MCU: variants seen among roughly 807,000 people sequenced by gnomAD.
The protein encoded by MCU is calcium uniporter protein, mitochondrial.
MCU carries 12 observed loss-of-function variants against 45.2 expected under a neutral mutation model. The observed-to-expected ratio is 0.27, with a 90% CI of 0.17 to 0.43. MCU has a LOEUF of 0.43. Ranked by LOEUF, MCU falls within the 20% of genes least tolerant of loss-of-function variation. The pLI, the probability that MCU is intolerant of heterozygous loss-of-function variation, is 1.00. For missense variants in MCU, 324 were observed against 436.7 expected, an observed-to-expected ratio of 0.74 and a Z score of 2.30; for synonymous variants, 160 against 165.1, an observed-to-expected ratio of 0.97 and a Z score of 0.24.
intron 1 of MCU, among the ~76,000 whole-genome samples, chr10:72,818,704 G>C (rs1215085321): frequency 1.3e-5 from 2 of 152,076 alleles, no homozygotes; most frequent in Non-Finnish European, 2.9e-5. Context: ...AGCCGGGCGT[G>C]GTGGTGCATA....
intron 2 of MCU, among the ~76,000 whole-genome samples, chr10:72,848,379 T>C (rs1397034548): frequency 6.6e-6 from 1 of 152,142 alleles, no homozygotes; most frequent in African/African-American, 2.4e-5. Flanking sequence ...CATTGTAACA[T>C]GTCAGAAGGC....
At chr10:72,849,946 T>C (rs1845182458) in intron 2 of MCU, among the ~76,000 whole-genome samples, 1 of 151,044 alleles carries the variant, frequency 6.6e-6, no homozygotes, top group Non-Finnish European at 1.5e-5. Flanking sequence ...AGAATTTTGC[T>C]CTTGTTGCCC....
chr10:72,805,281 C>A (rs1230647643), intron 1 of MCU, among the ~76,000 whole-genome samples: 1 of 146,946 alleles, frequency 6.8e-6, no homozygotes, highest in Non-Finnish European at 1.5e-5. Flanking sequence ...CAGGGTCTCG[C>A]TCTGTTGCCC....
chr10:72,839,004 T>C (rs1845004056), intron 2 of MCU, among the ~76,000 whole-genome samples: 2 of 152,038 alleles, frequency 1.3e-5, no homozygotes, highest in Admixed American at 6.5e-5. Context: ...TTTTTTTTTT[T>C]TTTGAGACGG....
chr10:72,698,283 C>A (rs1323189703), intron 1 of MCU, among the ~76,000 whole-genome samples: 1 of 152,256 alleles, frequency 6.6e-6, no homozygotes, highest in East Asian at 1.9e-4. Context: ...GGTAGGAAAT[C>A]ATTCAGATGA....
At chr10:72,751,435 AC>A (rs958248953) in intron 1 of MCU, among the ~76,000 whole-genome samples, 1 of 134,838 alleles carries the variant, frequency 7.4e-6, no homozygotes, top group African/African-American at 2.9e-5. Flanking sequence ...ACTCACTGCA[AC>A]CTCTGCCTCC....
At chr10:72,840,721 C>T (rs1667784591) in intron 2 of MCU, among the ~76,000 whole-genome samples, 1 of 152,210 alleles carries the variant, frequency 6.6e-6, no homozygotes, top group African/African-American at 2.4e-5. Context: ...GCAGAGTTCT[C>T]ACCAACTTAA....
intron 3 of MCU, 80 bp downstream of exon 3, chr10:72,859,427 C>A: frequency 1.5e-6 from 2 of 1,315,562 alleles, no homozygotes; most frequent in Non-Finnish European, 2.1e-6. Context: ...ATACACCACA[C>A]ACGTAGCTAC....
intron 1 of MCU, among the ~76,000 whole-genome samples, chr10:72,819,520 T>C (rs1024751183): frequency 6.6e-6 from 1 of 152,210 alleles, no homozygotes; most frequent in African/African-American, 2.4e-5. Flanking sequence ...GTTTTTACAT[T>C]CAAGGAGCTT....
intron 1 of MCU, among the ~76,000 whole-genome samples, chr10:72,799,563 C>G (rs1844306431): frequency 6.6e-6 from 1 of 151,570 alleles, no homozygotes; most frequent in Non-Finnish European, 1.5e-5. Context: ...TTCAACTGAT[C>G]CTCCCTCCTC....
intron 1 of MCU, among the ~76,000 whole-genome samples, chr10:72,724,109 A>G (rs983187661): frequency 6.6e-6 from 1 of 152,186 alleles, no homozygotes; most frequent in Admixed American, 6.5e-5. Context: ...TCAATTCCCT[A>G]TTACACATGT....
chr10:72,872,858 A>G (rs2132887677), intron 6 of MCU, among the ~76,000 whole-genome samples: 1 of 152,128 alleles, frequency 6.6e-6, no homozygotes. Flanking sequence ...TGTTTTCCAT[A>G]ATGGCTATAC....
chr10:72,775,526 T>G (rs181366075), intron 1 of MCU, among the ~76,000 whole-genome samples: 11 of 151,928 alleles, frequency 7.2e-5, no homozygotes, highest in Non-Finnish European at 1.2e-4. Flanking sequence ...AGGAAAGAAA[T>G]AAAGATCAAA....
intron 1 of MCU, among the ~76,000 whole-genome samples, chr10:72,775,800 AC>A (rs1843884234): frequency 6.6e-6 from 1 of 152,170 alleles, no homozygotes; most frequent in Non-Finnish European, 1.5e-5. Flanking sequence ...ATACCGTACA[AC>A]CTACCAAGAT....
At chr10:72,769,221 C>A (rs568429430) in intron 1 of MCU, among the ~76,000 whole-genome samples, 2 of 152,064 alleles carry the variant, frequency 1.3e-5, no homozygotes, top group Non-Finnish European at 2.9e-5. Context: ...ACTTTTATTT[C>A]TTCCTAAAAT....
Position 72,813,540 on chromosome 10 carries a change from C to G in MCU, c.151-20819C>G, listed in dbSNP as rs147770020. Among the ~76,000 whole-genome samples the G allele has an allele frequency of 6.7e-3, 883 of 132,016 alleles. 9 individuals carry two copies. The highest frequency in any genetic ancestry group is 9.1e-3 in the Middle Eastern group (2 of 220). The allele number at this position is 132,016 out of a possible 152,430, so 86.6% of individuals were successfully genotyped here. On this transcript the variant is annotated intron_variant, in intron 1 of 7. Transcript: ENST00000373053. ...GTGGCACAATCTTGTCTCACTGCAA[C>G]TTCCGCCTCCTGGGATCAAGCGATT...
intron 2 of MCU, among the ~76,000 whole-genome samples, chr10:72,839,115 T>TAGCA (rs1845006711): frequency 6.6e-6 from 1 of 151,926 alleles, no homozygotes; most frequent in Non-Finnish European, 1.5e-5. Context: ...TCAGCCTCCC[T>TAGCA]AGCAGCTGGG....
Position 72,692,178 on chromosome 10 carries a change from C to T in MCU, c.27C>T (p.Leu9=), listed in dbSNP as rs567743185. ...TGGCGGCCGCCGCAGGTAGATCGCT[C>T]CTGCTGCTCCTCTCCTCTCGGGGCG... The part of the protein sequence containing the change: MAAAAGRS[L]LLLLSSRGGG... The change falls in exon 1 of 8, where the codon CTC becomes CTT. Residue 9 remains leucine, a synonymous_variant. Coordinates refer to ENST00000373053, the MANE Select transcript of MCU (RefSeq NM_138357.3). The T allele has an allele frequency of 3.9e-6, 5 of 1,283,472 alleles. No homozygotes were observed. Among genetic ancestry groups the T allele is most frequent in the African/African-American group, 1.5e-5 (1 of 65,494 alleles). The allele number at this position is 1,283,472 out of a possible 1,614,324, so 79.5% of individuals were successfully genotyped here.
chr10:72,808,022 A>G (rs1589472098), intron 1 of MCU, among the ~76,000 whole-genome samples: 1 of 152,238 alleles, frequency 6.6e-6, no homozygotes. Flanking sequence ...AGCTTATTTT[A>G]CTTGATGGTA....
Sources: allele counts gnomAD v4.1 joint callset (sites outside exome capture counted in the v4.1 genomes callset), GRCh38; gene constraint gnomAD v4.1.1; transcripts MANE v1.5; gene names NCBI Gene and HGNC (gene_info 2026-07-23, HGNC 2026-07-21).